CDYL: variants seen among roughly 807,000 people sequenced by gnomAD.
CDYL encodes the protein chromodomain Y-like protein.
CDYL carries 8 observed loss-of-function variants against 47.3 expected under a neutral mutation model. That is an observed-to-expected ratio of 0.17 (90% CI 0.10 to 0.31). The LOEUF (loss-of-function observed/expected upper bound fraction) is 0.31. CDYL is among the 10% of genes least tolerant of loss of function. CDYL has a pLI of 1.00. For synonymous variants in CDYL, 266 were observed against 265.0 expected, an observed-to-expected ratio of 1.00 and a Z score of -0.04; for missense variants, 471 against 701.4, an observed-to-expected ratio of 0.67 and a Z score of 3.71.
chr6:4,946,709 C>T (rs1487556796), intron 5 of CDYL, among the ~76,000 whole-genome samples: 2 of 70,206 alleles, frequency 2.8e-5, no homozygotes, highest in Non-Finnish European at 5.1e-5. Flanking sequence ...GTGGTGGTCA[C>T]TCCCCACATG....
At chr6:4,724,697 T>TA (rs1474939218) in intron 2 of CDYL, 2 of 152,228 alleles carry the variant, frequency 1.3e-5, no homozygotes, top group Non-Finnish European at 2.9e-5. Flanking sequence ...GCAGCGCGTC[T>TA]GGAATTCTTC....
chr6:4,871,395 G>C (rs1427296053), intron 1 of CDYL, among the ~76,000 whole-genome samples: 1 of 152,122 alleles, frequency 6.6e-6, no homozygotes, highest in Admixed American at 6.5e-5. Context: ...GGATTTTAGA[G>C]CATTTTGGAT....
chr6:4,892,788 C>T (rs1290695678), intron 2 of CDYL, among the ~76,000 whole-genome samples: 1 of 152,210 alleles, frequency 6.6e-6, no homozygotes, highest in Non-Finnish European at 1.5e-5. Context: ...TTATTTTGCT[C>T]ATCTGTGTGA....
intron 1 of CDYL, among the ~76,000 whole-genome samples, chr6:4,715,119 G>C (rs563352939): frequency 6.6e-6 from 1 of 152,078 alleles, no homozygotes; most frequent in Non-Finnish European, 1.5e-5. Context: ...AAAATGCATC[G>C]TGCTTTCTCG....
chr6:4,856,206 A>C (rs1374610121), intron 1 of CDYL, among the ~76,000 whole-genome samples: 1 of 152,224 alleles, frequency 6.6e-6, no homozygotes. Flanking sequence ...GAGATCATAA[A>C]ATATGTCAGA....
chr6:4,891,607 A>G (rs1762043741), intron 1 of CDYL, 106 bp from the exon 2 acceptor site: 1 of 826,900 alleles, frequency 1.2e-6, no homozygotes, highest in Non-Finnish European at 1.9e-6. Flanking sequence ...AGATCATTTT[A>G]TCATCTATTG....
chr6:4,769,964 T>TG (rs1758313340), intron 3 of CDYL, among the ~76,000 whole-genome samples: 1 of 129,064 alleles, frequency 7.7e-6, no homozygotes, highest in African/African-American at 3.4e-5. Flanking sequence ...GCCCGGCTAA[T>TG]TTGTGTGTGT....
intron 1 of CDYL, among the ~76,000 whole-genome samples, chr6:4,860,775 C>T (rs1037089988): frequency 6.6e-6 from 1 of 151,734 alleles, no homozygotes. Context: ...ACTTGGAGTC[C>T]GATGTTCAAG....
At chr6:4,892,901 T>C (rs2127485426) in intron 2 of CDYL, among the ~76,000 whole-genome samples, 1 of 152,262 alleles carries the variant, frequency 6.6e-6, no homozygotes, top group African/African-American at 2.4e-5. Flanking sequence ...TGCCATTGCT[T>C]CCCCCGTCAG....
Position 4,776,742 on chromosome 6 carries a change from G to T in CDYL, c.-42G>T, listed in dbSNP as rs1416424326. On this transcript the variant is annotated 5_prime_UTR_variant, in exon 1 of 7. Coordinates refer to ENST00000397588, the MANE Select transcript of CDYL (RefSeq NM_004824.4). ...TGTCGGCCGCCCGGCGCCGGCGCCC[G>T]CCCCGACCCTGCCCCTCCCGCCCGC... 106 of 719,374 alleles carry T rather than the reference G, an allele frequency of 1.5e-4. 1 individual carries two copies. Among genetic ancestry groups the T allele is most frequent in the Middle Eastern group, 5.2e-4 (1 of 1,938 alleles). 44.6% of individuals were successfully genotyped at this position (719,374 alleles called of 1,614,324 possible).
rs547351788 is a variant in CDYL, at chr6:4,848,219, C to T, written c.25-43494C>T. ...GTGCTTTATTGTATAGGCAAGCTCTCGAACAGTGTCTGATAATTAGTAGTG... is the reference window on the plus strand; with the variant it reads ...GTGCTTTATTGTATAGGCAAGCTCTTGAACAGTGTCTGATAATTAGTAGTG... On this transcript the variant is annotated intron_variant, in intron 1 of 6. Transcript: ENST00000397588. Among the ~76,000 whole-genome samples, 20 of 152,172 alleles carry T rather than the reference C, an allele frequency of 1.3e-4. No homozygotes were observed. In the South Asian group the frequency reaches 1.7e-3, roughly 13 times the overall value.
chr6:4,811,843 C>T (rs574916314), intron 1 of CDYL, among the ~76,000 whole-genome samples: 1 of 152,094 alleles, frequency 6.6e-6, no homozygotes, highest in Non-Finnish European at 1.5e-5. Flanking sequence ...CCGGGCTGGT[C>T]TGGAACATTA....
chr6:4,874,555 A>G (rs527535433), intron 1 of CDYL, among the ~76,000 whole-genome samples: 38 of 152,326 alleles, frequency 2.5e-4, no homozygotes, highest in African/African-American at 9.1e-4. Context: ...AGCGCTGCCT[A>G]GCCTCCTTTC....
At position 4,954,129 on chromosome 6, in the gene CDYL, T is replaced by C; in HGVS notation, c.*73T>C. 1 of 1,501,756 alleles carries C rather than the reference T, an allele frequency of 6.7e-7. No individual in the cohort carries two copies. The highest frequency in any genetic ancestry group is 1.9e-5 in the Admixed American group (1 of 52,828). 93.0% of individuals were successfully genotyped at this position (1,501,756 alleles called of 1,614,324 possible). ...ACATCACCGGCTCCAGTTCCCCTGA[T>C]CCATTCTCACAGCCTGAAACAAGCT... On this transcript the variant is annotated 3_prime_UTR_variant, in exon 7 of 7. Coordinates refer to ENST00000397588, the MANE Select transcript of CDYL (RefSeq NM_004824.4).
At chr6:4,878,912 G>A (rs1761687819) in intron 1 of CDYL, among the ~76,000 whole-genome samples, 1 of 151,680 alleles carries the variant, frequency 6.6e-6, no homozygotes, top group Non-Finnish European at 1.5e-5. Context: ...GCTTTAGCTG[G>A]ATCCCACAGT....
chr6:4,793,013 T>G (rs771100165), intron 1 of CDYL, among the ~76,000 whole-genome samples: 17 of 152,200 alleles, frequency 1.1e-4, no homozygotes, highest in Non-Finnish European at 2.1e-4. Flanking sequence ...CAATTGGTAT[T>G]TGTCTTTCCT....
chr6:4,935,475 T>C (rs749095558), intron 2 of CDYL, 40 bp from the exon 3 acceptor site: 1 of 1,571,838 alleles, frequency 6.4e-7, no homozygotes, highest in Non-Finnish European at 8.7e-7. Flanking sequence ...GAACTGGTGG[T>C]GGGACATCAC....
rs116500053 is a variant in CDYL at position 4,870,990 on chromosome 6, G to A, written c.25-20723G>A. On this transcript the variant is annotated intron_variant, in intron 1 of 6. Transcript: ENST00000397588. ...TAAACCCAAATTCTAGGCAAACTTAGTTTCCACTGACTGTTCTAATTTGAG... is the reference window on the plus strand; with the variant it reads ...TAAACCCAAATTCTAGGCAAACTTAATTTCCACTGACTGTTCTAATTTGAG... Among the ~76,000 whole-genome samples the A allele has an allele frequency of 6.9e-3, 1,048 of 152,280 alleles. 14 individuals are homozygous for A. The highest frequency in any genetic ancestry group is 0.024 in the African/African-American group (1,011 of 41,558).
chr6:4,783,463 C>G (rs1221153176), intron 1 of CDYL, among the ~76,000 whole-genome samples: 2 of 149,546 alleles, frequency 1.3e-5, no homozygotes, highest in African/African-American at 2.5e-5. Flanking sequence ...GTCGCCCAGG[C>G]TGGAGTGCAG....
Sources: gnomAD v4.1 joint callset for allele counts (sites outside exome capture counted in the v4.1 genomes callset) on GRCh38, gnomAD v4.1.1 for gene constraint, MANE v1.5 for transcripts, NCBI Gene and HGNC (gene_info 2026-07-23, HGNC 2026-07-21) for gene names.